PAM: variants seen among roughly 807,000 people sequenced by gnomAD.
The protein encoded by PAM is peptidyl-glycine alpha-amidating monooxygenase.
In PAM, 72 loss-of-function variants were observed where a neutral mutation model predicts 122.1. The observed-to-expected ratio is 0.59, with a 90% confidence interval of 0.49 to 0.72. PAM has a LOEUF of 0.72. PAM is among the 30% of genes least tolerant of loss of function. PAM has a pLI of 0.00. For synonymous variants in PAM, 389 were observed against 404.4 expected (o/e 0.96, Z 0.46); for missense variants, 1,106 against 1,183.7 (o/e 0.93, Z 0.96).
Position 103,015,254 on chromosome 5 carries a change from T to C in PAM, c.2332-2080T>C, listed in dbSNP as rs369103064. Among the ~76,000 whole-genome samples the C allele has an allele frequency of 1.2e-4, 18 of 152,356 alleles. No individual in the cohort carries two copies. In the East Asian group the frequency reaches 2.1e-3, roughly 18 times the overall value. On this transcript the variant is annotated intron_variant, in intron 21 of 25. Coordinates refer to ENST00000438793, the MANE Select transcript of PAM (RefSeq NM_001177306.2). ...ATTGTGCAACTTAGAAGAACTGTTT[T>C]ACTTAATATTAAGTACATTTAAACT...
intron 1 of PAM, among the ~76,000 whole-genome samples, chr5:102,861,268 A>C (rs1581051797): frequency 1.3e-5 from 2 of 152,352 alleles, no homozygotes; most frequent in East Asian, 3.9e-4. Context: ...AAACTTTGCA[A>C]GATAATGCTT....
chr5:103,016,423 C>T (rs550430929), intron 21 of PAM, among the ~76,000 whole-genome samples: 1 of 152,156 alleles, frequency 6.6e-6, no homozygotes, highest in Non-Finnish European at 1.5e-5. Flanking sequence ...TCCAGGCAGG[C>T]CTTCTGGCCT....
chr5:102,911,970 T>C (rs1034027159), intron 4 of PAM, among the ~76,000 whole-genome samples: 1 of 152,034 alleles, frequency 6.6e-6, no homozygotes, highest in African/African-American at 2.4e-5. Context: ...GTTCAATTTT[T>C]GAATGTTTCC....
chr5:102,975,605 C>CT (rs1165213325), intron 15 of PAM, among the ~76,000 whole-genome samples: 2 of 152,150 alleles, frequency 1.3e-5, no homozygotes, highest in African/African-American at 4.8e-5. Context: ...AATTTAGACC[C>CT]TGAATCCTAT....
chr5:102,941,816 T>A (rs1343413001), intron 7 of PAM, among the ~76,000 whole-genome samples: 1 of 141,056 alleles, frequency 7.1e-6, no homozygotes, highest in Non-Finnish European at 1.5e-5. Flanking sequence ...GGACCTGCAT[T>A]TCTAATCCAG....
intron 4 of PAM, among the ~76,000 whole-genome samples, chr5:102,904,755 T>C (rs558945466): frequency 1.3e-5 from 2 of 151,708 alleles, no homozygotes; most frequent in South Asian, 2.1e-4. Context: ...CAATACAATT[T>C]ACATTATTAA....
At chr5:102,789,802 T>C (rs899921349) in intron 1 of PAM, among the ~76,000 whole-genome samples, 1 of 152,100 alleles carries the variant, frequency 6.6e-6, no homozygotes, top group African/African-American at 2.4e-5. Flanking sequence ...CTATGTTATG[T>C]ATACTTTGCC....
chr5:103,009,819 A>G lies in PAM; in HGVS notation c.2284A>G (p.Asn762Asp). 2 of 1,611,948 alleles carry G rather than the reference A, an allele frequency of 1.2e-6. No homozygotes were observed. The highest frequency in any genetic ancestry group is 1.7e-6 in the Non-Finnish European group (2 of 1,178,444). ...AGAACCTGTACAAGGATTTGTGATG[A>G]ACTTTTCCAATGGGGAAATTATAGA... is the stretch of plus-strand genomic sequence containing the variant. ...DQEPVQGFVM[N>D]FSNGEIIDIF... Residue 762 changes from asparagine (N) to aspartate (D), a missense_variant, in exon 21 of 26, where the codon AAC becomes GAC. Around this residue, in one of 3 missense-constraint regions of PAM, gnomAD observed 333 missense variants for 335.6 expected, o/e 0.99. Coordinates refer to ENST00000438793, the MANE Select transcript of PAM (RefSeq NM_001177306.2).
chr5:102,975,433 G>T (rs182121394), intron 15 of PAM, among the ~76,000 whole-genome samples: 13 of 152,222 alleles, frequency 8.5e-5, no homozygotes, highest in African/African-American at 3.1e-4. Flanking sequence ...TGGCCTAATG[G>T]TTTCTGTGAG....
rs1785839706 is a variant in PAM, at chr5:103,029,067, A to C, written c.*2A>C. On this transcript the variant is annotated 3_prime_UTR_variant, in exon 26 of 26. Transcript: ENST00000438793. ...GCGCTCGCACCTTCCTCCTCCTGAA[A>C]ACCAAGCTTTGATTTAGATTGAGTA... is the stretch of plus-strand genomic sequence containing the variant. The C allele has an allele frequency of 6.2e-7, 1 of 1,601,300 alleles. No individual in the cohort carries two copies. Among genetic ancestry groups the C allele is most frequent in the Non-Finnish European group, 8.5e-7 (1 of 1,175,802 alleles).
chr5:102,972,591 TA>T (rs1362225149), intron 14 of PAM, among the ~76,000 whole-genome samples: 1 of 152,230 alleles, frequency 6.6e-6, no homozygotes, highest in East Asian at 1.9e-4. Flanking sequence ...CTCAAGTTTT[TA>T]AATAATGGTT....
rs147128640 is a variant in PAM at position 102,907,203 on chromosome 5, A to G, written c.268+5790A>G. ...TACATCATTGTCCATACTAGCAGGA[A>G]TTAATGACAATTTCACTATTAAGCT... On this transcript the variant is annotated intron_variant, in intron 4 of 25. Coordinates refer to ENST00000438793, the MANE Select transcript of PAM (RefSeq NM_001177306.2). 2.8e-3 allele frequency among the ~76,000 whole-genome samples: 424 copies of G among 151,894 alleles called. 2 individuals are homozygous for G. Among genetic ancestry groups the G allele is most frequent in the African/African-American group, 9.3e-3 (384 of 41,502 alleles).
intron 1 of PAM, among the ~76,000 whole-genome samples, chr5:102,773,586 T>C (rs1411502118): frequency 2.0e-5 from 3 of 152,140 alleles, no homozygotes; most frequent in Non-Finnish European, 4.4e-5. Flanking sequence ...CATTCTCAGC[T>C]TGCAGGCAGT....
intron 16 of PAM, 42 bp from the exon 17 acceptor site, chr5:103,002,991 A>C: frequency 1.1e-6 from 1 of 897,154 alleles, no homozygotes; most frequent in Non-Finnish European, 1.9e-6. Context: ...TTTCATTGGA[A>C]TTTATGATTG....
chr5:102,998,341 T>A (rs1176817102), intron 16 of PAM, among the ~76,000 whole-genome samples: 2 of 152,172 alleles, frequency 1.3e-5, no homozygotes, highest in Non-Finnish European at 2.9e-5. Flanking sequence ...TCCCTAATGT[T>A]TTGTCATTCT....
intron 17 of PAM, among the ~76,000 whole-genome samples, chr5:103,004,153 A>G (rs539992247): frequency 2.6e-5 from 4 of 152,154 alleles, no homozygotes; most frequent in Non-Finnish European, 5.9e-5. Context: ...GGGAGATGAT[A>G]ATAATGATGC....
chr5:102,886,419 G>T (rs1383727239), intron 3 of PAM, among the ~76,000 whole-genome samples: 1 of 151,892 alleles, frequency 6.6e-6, no homozygotes, highest in East Asian at 1.9e-4. Flanking sequence ...ATGTTAACAA[G>T]ACTGAAATGA....
intron 1 of PAM, among the ~76,000 whole-genome samples, chr5:102,793,535 A>T (rs998813938): frequency 6.6e-6 from 1 of 152,202 alleles, no homozygotes; most frequent in Non-Finnish European, 1.5e-5. Flanking sequence ...GTCTCAAAAC[A>T]AAACAACAAC....
intron 1 of PAM, among the ~76,000 whole-genome samples, chr5:102,773,656 C>A (rs1233441415): frequency 6.6e-6 from 1 of 152,046 alleles, no homozygotes; most frequent in Non-Finnish European, 1.5e-5. Flanking sequence ...CAGCCCTAGA[C>A]AACATTTAAT....
Sources: allele counts gnomAD v4.1 joint callset (sites outside exome capture counted in the v4.1 genomes callset), GRCh38; gene constraint gnomAD v4.1.1; regional missense constraint gnomAD v4.1.1; transcripts MANE v1.5; gene names NCBI Gene and HGNC (gene_info 2026-07-23, HGNC 2026-07-21).